Variants in DTD1 observed in about 807,000 individuals in gnomAD.
DTD1 encodes D-tyrosyl-tRNA deacylase 1 homolog.
DTD1 carries 13 observed loss-of-function variants against 25.6 expected under a neutral mutation model. That is an observed-to-expected ratio of 0.51 (90% CI 0.33 to 0.81). DTD1 has a LOEUF of 0.81. DTD1 is among the 30% of genes least tolerant of loss of function. DTD1 has a pLI of 0.02. For synonymous variants in DTD1, 110 were observed against 103.6 expected (o/e 1.06, Z -0.37); for missense variants, 193 against 266.4 (o/e 0.72, Z 1.92).
chr20:18,701,538 T>G (rs572960843), intron 4 of DTD1, among the ~76,000 whole-genome samples: 1 of 152,304 alleles, frequency 6.6e-6, no homozygotes, highest in East Asian at 1.9e-4. Context: ...AGCAACAGAA[T>G]GCGGGTGGTG....
intron 4 of DTD1, among the ~76,000 whole-genome samples, chr20:18,682,047 C>CAG (rs1340763436): frequency 2.0e-5 from 3 of 152,160 alleles, no homozygotes; most frequent in African/African-American, 7.2e-5. Context: ...TGCCCACAGG[C>CAG]GTTAACAGTA....
chr20:18,595,933 AT>A, intron 2 of DTD1, 72 bp from the exon 3 acceptor site: 2 of 1,337,088 alleles, frequency 1.5e-6, no homozygotes, highest in Non-Finnish European at 2.2e-6. Flanking sequence ...AGCTGGTGAC[AT>A]TTTTGGGGTA....
At chr20:18,613,416 A>G (rs2060696099) in intron 3 of DTD1, among the ~76,000 whole-genome samples, 1 of 152,170 alleles carries the variant, frequency 6.6e-6, no homozygotes, top group East Asian at 1.9e-4. Flanking sequence ...GGAAAAATGG[A>G]GTTAATAGCA....
chr20:18,597,998 T>TA (rs986821967), intron 3 of DTD1, among the ~76,000 whole-genome samples: 10 of 151,778 alleles, frequency 6.6e-5, no homozygotes, highest in African/African-American at 2.2e-4. Context: ...TCTTTTTTTG[T>TA]AAAAAAATTA....
chr20:18,704,560 T>G (rs1467603281), intron 4 of DTD1, among the ~76,000 whole-genome samples: 2 of 152,198 alleles, frequency 1.3e-5, no homozygotes, highest in Non-Finnish European at 2.9e-5. Flanking sequence ...TTTGTTGTTG[T>G]CACTGTTGTT....
chr20:18,728,569 G>T (rs1323956921), intron 4 of DTD1, among the ~76,000 whole-genome samples: 1 of 152,124 alleles, frequency 6.6e-6, no homozygotes, highest in Non-Finnish European at 1.5e-5. Context: ...TTCCAAACAG[G>T]TCGTTGCTCC....
At chr20:18,678,521 G>T (rs903247422) in intron 4 of DTD1, among the ~76,000 whole-genome samples, 8 of 152,064 alleles carry the variant, frequency 5.3e-5, no homozygotes, top group African/African-American at 1.9e-4. Context: ...TTTGAAACTC[G>T]ATTGCAGGTG....
chr20:18,747,824 A>T (rs1043270420), intron 5 of DTD1, among the ~76,000 whole-genome samples: 1 of 150,522 alleles, frequency 6.6e-6, no homozygotes, highest in Non-Finnish European at 1.5e-5. Context: ...CATCTGGCCA[A>T]TATGGTGAAA....
At chr20:18,624,337 A>C (rs2060748916) in intron 3 of DTD1, among the ~76,000 whole-genome samples, 1 of 152,242 alleles carries the variant, frequency 6.6e-6, no homozygotes, top group African/African-American at 2.4e-5. Context: ...ATGGAAATGC[A>C]CTGGATTTGA....
chr20:18,762,317 G>T (rs1458620395), intron 5 of DTD1, among the ~76,000 whole-genome samples: 2 of 152,200 alleles, frequency 1.3e-5, no homozygotes. Flanking sequence ...TTAGGCTTTA[G>T]CTTTAGTTTA....
chr20:18,709,202 A>T (rs183739775), intron 4 of DTD1, among the ~76,000 whole-genome samples: 2 of 152,328 alleles, frequency 1.3e-5, no homozygotes, highest in East Asian at 3.9e-4. Flanking sequence ...AAATATGATC[A>T]CAATAAATAT....
intron 3 of DTD1, among the ~76,000 whole-genome samples, chr20:18,606,689 A>G (rs1290585898): frequency 7.6e-6 from 1 of 132,162 alleles, no homozygotes; most frequent in African/African-American, 2.8e-5. Context: ...CAAAAAACCA[A>G]ACACCGCATG....
chr20:18,673,399 G>C (rs1180775549), intron 4 of DTD1, among the ~76,000 whole-genome samples: 1 of 152,112 alleles, frequency 6.6e-6, no homozygotes, highest in African/African-American at 2.4e-5. Context: ...TATTGGGAGA[G>C]GGAATGGGAG....
chr20:18,742,057 A>G (rs2061280402), intron 4 of DTD1, among the ~76,000 whole-genome samples: 1 of 151,974 alleles, frequency 6.6e-6, no homozygotes. Flanking sequence ...CTATTTTGAT[A>G]TATGTAGATC....
chr20:18,654,500 A>G (rs968581978), intron 4 of DTD1, among the ~76,000 whole-genome samples: 1 of 152,228 alleles, frequency 6.6e-6, no homozygotes, highest in Admixed American at 6.5e-5. Flanking sequence ...TGCTCTGGAA[A>G]GTATTCAAGT....
rs577318002 is a variant in DTD1 at position 18,631,290 on chromosome 20, A to T, written c.477+3057A>T. ...GGCCCCTTGTTCAAAAAATATTACAAATTTCAAGGTGGTGACATAGAGCAT... is the reference window on the plus strand; with the variant it reads ...GGCCCCTTGTTCAAAAAATATTACATATTTCAAGGTGGTGACATAGAGCAT... On this transcript the variant is annotated intron_variant, in intron 4 of 5. Coordinates refer to ENST00000377452, the MANE Select transcript of DTD1 (RefSeq NM_080820.6). The T allele has an allele frequency of 3.9e-5, 38 of 984,632 alleles. No individual in the cohort carries two copies. In the African/African-American group the frequency reaches 6.1e-4, roughly 16 times the overall value. 61.0% of individuals were successfully genotyped at this position (984,632 alleles called of 1,614,324 possible). A position where few individuals can be genotyped will look rare whatever the true frequency, so the allele number is the denominator to read the frequency against.
intron 4 of DTD1, among the ~76,000 whole-genome samples, chr20:18,728,782 T>G (rs2061230950): frequency 6.6e-6 from 1 of 152,072 alleles, no homozygotes; most frequent in Admixed American, 6.6e-5. Flanking sequence ...CCTGCCTGGG[T>G]CCCCTGGGTC....
At chr20:18,610,001 T>C (rs2060680228) in intron 3 of DTD1, among the ~76,000 whole-genome samples, 1 of 152,196 alleles carries the variant, frequency 6.6e-6, no homozygotes, top group South Asian at 2.1e-4. Context: ...CTGCCAGCAT[T>C]GTTCTTCTCT....
At chr20:18,598,669 T>G (rs1292798965) in intron 3 of DTD1, among the ~76,000 whole-genome samples, 1 of 119,148 alleles carries the variant, frequency 8.4e-6, no homozygotes, top group Non-Finnish European at 1.9e-5. Flanking sequence ...GGCTAATTTT[T>G]TTTTGTATTT....
Sources: allele counts gnomAD v4.1 joint callset (sites outside exome capture counted in the v4.1 genomes callset), GRCh38; gene constraint gnomAD v4.1.1; transcripts MANE v1.5; gene names NCBI Gene and HGNC (gene_info 2026-07-23, HGNC 2026-07-21).